Variants in BYSL observed in about 807,000 individuals in gnomAD.
BYSL encodes the protein bystin.
Under a neutral mutation model 45.4 loss-of-function variants are expected in BYSL, and 21 were observed. The ratio of observed to expected loss-of-function variants is 0.46; its 90% CI spans 0.33 to 0.67. The LOEUF is 0.67. Ranked by LOEUF, BYSL falls within the 30% of genes least tolerant of loss-of-function variation. The probability of loss-of-function intolerance (pLI) is 0.02; values close to 1 mark genes in which losing one functional copy is unlikely to be tolerated. For synonymous variants in BYSL, 215 were observed against 231.3 expected, an observed-to-expected ratio of 0.93 and a Z score of 0.64; for missense variants, 522 against 578.5, an observed-to-expected ratio of 0.90 and a Z score of 1.00.
At chr6:41,929,681 G>A (rs568290454) in intron 2 of BYSL, among the ~76,000 whole-genome samples, 52 of 152,308 alleles carry the variant, frequency 3.4e-4, no homozygotes, top group Admixed American at 1.0e-3. Flanking sequence ...AACGCTTACT[G>A]TGTACTGACC....
chr6:41,912,320 G>A, the BYSL span, among the ~76,000 whole-genome samples: 4 of 145,824 alleles, frequency 2.7e-5, no homozygotes, highest in Non-Finnish European at 6.0e-5. Context: ...GGATTCACAG[G>A]TATGAGCCAC....
At chr6:41,915,103 C>T in the BYSL span, among the ~76,000 whole-genome samples, 1 of 152,178 alleles carries the variant, frequency 6.6e-6, no homozygotes, top group Non-Finnish European at 1.5e-5. Context: ...CCCTGAGAAA[C>T]ACTGCTTTTA....
At chr6:41,922,164 A>G (rs1775492713) in intron 1 of BYSL, among the ~76,000 whole-genome samples, 1 of 152,170 alleles carries the variant, frequency 6.6e-6, no homozygotes, top group East Asian at 1.9e-4. Flanking sequence ...TACAGAAGTA[A>G]ACAACACAGG....
the BYSL span, among the ~76,000 whole-genome samples, chr6:41,911,437 C>T: frequency 1.3e-5 from 2 of 152,014 alleles, no homozygotes; most frequent in Admixed American, 6.5e-5. Flanking sequence ...AGGCATGAGC[C>T]GCCACGCCCA....
In BYSL at chr6:41,932,598, A is replaced by C. The variant is rs1159932404; in HGVS notation, c.1206A>C (p.Leu402Phe). 2 of 1,614,088 alleles carry C rather than the reference A, an allele frequency of 1.2e-6. No individual in the cohort carries two copies. Among genetic ancestry groups the C allele is most frequent in the African/African-American group, 2.7e-5 (2 of 74,932 alleles). The change falls in exon 7 of 7, where the codon TTA (leucine) becomes TTC (phenylalanine). Residue 402 changes from leucine to phenylalanine, a missense_variant. Leu to Phe is a conservative substitution (Grantham distance 22, BLOSUM62 0). Coordinates refer to ENST00000230340, the MANE Select transcript of BYSL (RefSeq NM_004053.4). This position sits in a 1 kb window ranked among gnomAD's most constrained non-coding sequence, Gnocchi z 4.7. ...CCACAGACCAGAAAGAGGCCCTCTT[A>C]GAACTGCTCCGGCTGCAGCCCCATC... ...DLATDQKEAL[L>F]ELLRLQPHPQ...
Position 41,930,181 on chromosome 6 carries a change from G to A in BYSL, c.481G>A (p.Glu161Lys), listed in dbSNP as rs768073170. 50 of 1,614,094 alleles carry A rather than the reference G, an allele frequency of 3.1e-5. No homozygotes were observed. Among genetic ancestry groups the A allele is most frequent in the Non-Finnish European group, 4.1e-5 (48 of 1,180,040 alleles). ...IMEKLTEKQT[E>K]VETVMSEVSG... ...GGAGAAGCTGACTGAGAAGCAGACA[G>A]AGGTTGAGACAGTCATGTCAGAGGT... The change falls in exon 3 of 7, where the codon GAG becomes AAG. Residue 161 changes from glutamate (E) to lysine (K), a missense_variant. Glu to Lys is a moderately conservative substitution (Grantham distance 56). Coordinates refer to ENST00000230340, the MANE Select transcript of BYSL (RefSeq NM_004053.4).
chr6:41,910,163 C>A, the BYSL span, among the ~76,000 whole-genome samples: 7 of 152,174 alleles, frequency 4.6e-5, no homozygotes, highest in Non-Finnish European at 1.0e-4. Context: ...GTCTAGCCAA[C>A]TTGGGAAGCA....
chr6:41,909,599 C>A, the BYSL span: 1 of 1,565,992 alleles, frequency 6.4e-7, no homozygotes. Context: ...TGACTCCCCC[C>A]GGAATGAGGC....
upstream of BYSL, among the ~76,000 whole-genome samples, chr6:41,920,104 G>A (rs1218137834): frequency 6.6e-6 from 1 of 152,080 alleles, no homozygotes; most frequent in African/African-American, 2.4e-5. Flanking sequence ...ACGAGCACTG[G>A]ACCCATACCT....
upstream of BYSL, among the ~76,000 whole-genome samples, chr6:41,919,100 G>C (rs1276082394): frequency 7.1e-6 from 1 of 140,626 alleles, no homozygotes; most frequent in Non-Finnish European, 1.5e-5. Context: ...CTGCACTCCA[G>C]CCTGGGCAAC....
At chr6:41,924,168 C>A (rs541519575) in intron 1 of BYSL, among the ~76,000 whole-genome samples, 2 of 151,488 alleles carry the variant, frequency 1.3e-5, no homozygotes, top group African/African-American at 2.4e-5. Flanking sequence ...TCAAGCGATT[C>A]TCCTGCCTCA....
upstream of BYSL, chr6:41,921,105 A>G (rs1389328812): frequency 1.3e-6 from 2 of 1,552,610 alleles, no homozygotes; most frequent in Non-Finnish European, 8.8e-7. Context: ...GTTCCCCAAC[A>G]CAACCTTCTG....
At chr6:41,919,593 G>A (rs1775407026), upstream of BYSL, among the ~76,000 whole-genome samples, 1 of 152,078 alleles carries the variant, frequency 6.6e-6, no homozygotes, top group African/African-American at 2.4e-5. Context: ...TTGATAAGGG[G>A]GCCAACAGAG....
chr6:41,921,703 A>C lies in BYSL; in HGVS notation c.141A>C (p.Glu47Asp). 6.2e-7 allele frequency: 1 copy of C among 1,613,196 alleles called. No homozygotes were observed. Among genetic ancestry groups the C allele is most frequent in the Admixed American group, 1.7e-5 (1 of 59,944 alleles). Residue 47 changes from glutamate to aspartate, a missense_variant, in exon 1 of 7, where the codon GAA becomes GAC. Glu to Asp is a conservative substitution (Grantham distance 45). Transcript: ENST00000230340. ...GTCGCGGGACAGGAGAAGCGGAGGA[A>C]GAGTATGTGGGGCCCCGGCTGAGCC... ...RRGRGTGEAE[E>D]EYVGPRLSRR...
rs368767105 is a variant in BYSL at position 41,923,162 on chromosome 6, G to GTC, written c.268+1346_268+1347dup. ...TTTTTTCTTTTTTTTTTGAGACAGA[G>GTC]TCTCTCTCTCTCTCTGTCACCCAGG... On this transcript the variant is annotated intron_variant, in intron 1 of 6. Transcript: ENST00000230340. 4.6e-4 allele frequency among the ~76,000 whole-genome samples: 68 copies of GTC among 149,304 alleles called. No individual in the cohort carries two copies. The South Asian group carries it at 8.2e-3, about 18-fold the overall frequency.
At chr6:41,928,692 T>G (rs1775596362) in intron 2 of BYSL, among the ~76,000 whole-genome samples, 1 of 152,204 alleles carries the variant, frequency 6.6e-6, no homozygotes, top group South Asian at 2.1e-4. Flanking sequence ...CAGAGGCCAT[T>G]TAGTTTGGGG....
Position 41,931,720 on chromosome 6 carries a change from C to G in BYSL, c.866-8C>G. On this transcript the variant is annotated splice_region_variant and splice_polypyrimidine_tract_variant and intron_variant, in intron 5 of 6. Coordinates refer to ENST00000230340, the MANE Select transcript of BYSL (RefSeq NM_004053.4). ...GGCTCACAGTGGCTGCCCTTTGACT[C>G]TCCCTAGGGATCCTGATTCCACTGT... 2 of 1,613,602 alleles carry G rather than the reference C, an allele frequency of 1.2e-6. No individual in the cohort carries two copies. The highest frequency in any genetic ancestry group is 1.7e-6 in the Non-Finnish European group (2 of 1,179,504).
At chr6:41,921,110 C>T (rs1480159097), upstream of BYSL, 5 of 1,538,248 alleles carry the variant, frequency 3.3e-6, no homozygotes, top group Admixed American at 1.8e-5. Flanking sequence ...CCAACACAAC[C>T]TTCTGTCTCA....
chr6:41,919,575 T>C (rs957604587), upstream of BYSL, among the ~76,000 whole-genome samples: 8 of 152,172 alleles, frequency 5.3e-5, no homozygotes, highest in Non-Finnish European at 1.0e-4. Context: ...CCTAGGATTC[T>C]GAAAACGTTG....
Sources: allele counts gnomAD v4.1 joint callset (sites outside exome capture counted in the v4.1 genomes callset), GRCh38; gene constraint gnomAD v4.1.1; non-coding constraint Gnocchi (gnomAD v3.1); transcripts MANE v1.5; gene names NCBI Gene and HGNC (gene_info 2026-07-23, HGNC 2026-07-21).